Variants in PDE6B observed in about 807,000 individuals in gnomAD.
PDE6B encodes rod cGMP-specific 3',5'-cyclic phosphodiesterase subunit beta.
In PDE6B, 106 loss-of-function variants were observed where a neutral mutation model predicts 109.0. The observed-to-expected ratio is 0.97, with a 90% CI of 0.83 to 1.14. The LOEUF is 1.14. Among genes scored for constraint, PDE6B ranks in the 50% most tolerant of loss-of-function variants. The pLI is 0.00. For synonymous variants in PDE6B, 490 were observed against 471.3 expected (o/e 1.04, Z -0.51); for missense variants, 1,193 against 1,155.6 (o/e 1.03, Z -0.47).
intron 10 of PDE6B, among the ~76,000 whole-genome samples, chr4:658,305 A>C (rs1577286626): frequency 1.1e-5 from 1 of 92,342 alleles, no homozygotes; most frequent in African/African-American, 4.2e-5. Context: ...CAGGGGTCAC[A>C]GGTGTGCGGG....
rs1371959815 is a variant in PDE6B, at chr4:663,644, C to T, written c.1921-126C>T. On this transcript the variant is annotated intron_variant, in intron 15 of 21. Transcript: ENST00000496514. The surrounding 1 kb of genome is among the most constrained non-coding windows in gnomAD (Gnocchi z 4.0). ...TGAGCAGCAGGCGGATTAGGGGTCC[C>T]GCCCACCGAGGGCCCGAGGGCGGGG... 1.4e-6 allele frequency: 1 copy of T among 733,176 alleles called. No individual in the cohort carries two copies. The highest frequency in any genetic ancestry group is 2.5e-6 in the Non-Finnish European group (1 of 403,992). The allele number at this position is 733,176 out of a possible 1,614,324, so 45.4% of individuals were successfully genotyped here.
intron 17 of PDE6B, 24 bp from the exon 18 acceptor site, chr4:664,857 C>G: frequency 1.2e-6 from 2 of 1,605,520 alleles, no homozygotes; most frequent in East Asian, 4.5e-5. Context: ...CCCATCAGCA[C>G]TCGTGCCCGG....
chr4:659,714 G>A (rs28407346), intron 11 of PDE6B, among the ~76,000 whole-genome samples: 24,175 of 151,350 alleles, frequency 0.16, 2,322 homozygotes, highest in African/African-American at 0.27. Flanking sequence ...GTGTGTGCCC[G>A]TGTGTGCACC....
In PDE6B at chr4:663,871, G is replaced by C; in HGVS notation, c.2021+1G>C. On this transcript the variant is annotated splice_donor_variant, in intron 16 of 21. Transcript: ENST00000496514. LOFTEE classifies it high-confidence loss of function. The surrounding 1 kb of genome is among the most constrained non-coding windows in gnomAD (Gnocchi z 4.0). ...CCACGGACCTGGCCCTGTACTTCAA[G>C]TGCGCGCCTTCCGGGAGGGGGCGCC... 1 of 1,602,596 alleles carries C rather than the reference G, an allele frequency of 6.2e-7. No individual in the cohort carries two copies. The highest frequency in any genetic ancestry group is 8.5e-7 in the Non-Finnish European group (1 of 1,173,776).
intron 1 of PDE6B, among the ~76,000 whole-genome samples, chr4:627,067 C>G (rs1302914210): frequency 6.6e-6 from 1 of 152,200 alleles, no homozygotes; most frequent in Non-Finnish European, 1.5e-5. Context: ...AATTACCCAC[C>G]AGGCTGCCAG....
intron 1 of PDE6B, among the ~76,000 whole-genome samples, chr4:634,408 C>T (rs1047344753): frequency 1.3e-5 from 2 of 152,150 alleles, no homozygotes; most frequent in African/African-American, 4.8e-5. Flanking sequence ...CAGGGCGGGG[C>T]CCCCCATGAG....
At chr4:627,155 T>G (rs1560099556) in intron 1 of PDE6B, among the ~76,000 whole-genome samples, 2 of 151,456 alleles carry the variant, frequency 1.3e-5, no homozygotes, top group East Asian at 1.9e-4. Flanking sequence ...TGTGGGTTTT[T>G]TTTTTTTTTG....
intron 21 of PDE6B, 57 bp from the exon 22 acceptor site, chr4:669,989 G>A: frequency 3.5e-6 from 5 of 1,417,392 alleles, no homozygotes; most frequent in Non-Finnish European, 5.0e-6. Flanking sequence ...AGGAGGGAAG[G>A]AATAGGGCTG....
intron 1 of PDE6B, 106 bp from the exon 2 acceptor site, chr4:634,571 A>G (rs925089961): frequency 6.8e-5 from 65 of 961,768 alleles, no homozygotes; most frequent in Non-Finnish European, 1.0e-4. Context: ...GGCACCTCAC[A>G]CCTGGAGGGC....
Position 648,757 on chromosome 4 carries a change from G to C in PDE6B, c.712-5095G>C, listed in dbSNP as rs1290380798. Among the ~76,000 whole-genome samples, 2 of 152,256 alleles carry C rather than the reference G, an allele frequency of 1.3e-5. No homozygotes were observed. The highest frequency in any genetic ancestry group is 2.9e-5 in the Non-Finnish European group (2 of 68,044). The stretch of plus-strand genomic sequence containing the variant: ...TTAGTGGAGCAATTCTCACCGCCCA[G>C]CTGTCTGAGCTGCAGCAAAGCTGCA... On this transcript the variant is annotated intron_variant, in intron 3 of 21. Transcript: ENST00000496514. The surrounding 1 kb of genome is among the most constrained non-coding windows in gnomAD (Gnocchi z 4.5).
intron 21 of PDE6B, among the ~76,000 whole-genome samples, chr4:668,271 C>T (rs1053913173): frequency 6.6e-6 from 1 of 151,920 alleles, no homozygotes; most frequent in African/African-American, 2.4e-5. Context: ...GTAACCATAT[C>T]TTATGTCCTT....
chr4:653,062 T>G (rs1735725377), intron 3 of PDE6B: 1 of 417,502 alleles, frequency 2.4e-6, no homozygotes, highest in Non-Finnish European at 3.2e-6. Flanking sequence ...GAAATAAAGC[T>G]ACGAACATCT....
In PDE6B at chr4:648,922, G is replaced by A. The variant is rs1367318455; in HGVS notation, c.712-4930G>A. Among the ~76,000 whole-genome samples, 1 of 152,236 alleles carries A rather than the reference G, an allele frequency of 6.6e-6. No individual in the cohort carries two copies. Among genetic ancestry groups the A allele is most frequent in the Non-Finnish European group, 1.5e-5 (1 of 68,038 alleles). ...AGGAGCGGGGGAGCCTTCTGTCTCT[G>A]CAGGTCTGACTCCTGCCTCCTGTGA... On this transcript the variant is annotated intron_variant, in intron 3 of 21. Coordinates refer to ENST00000496514, the MANE Select transcript of PDE6B (RefSeq NM_000283.4). The surrounding 1 kb of genome is among the most constrained non-coding windows in gnomAD (Gnocchi z 4.5).
intron 3 of PDE6B, among the ~76,000 whole-genome samples, chr4:646,938 G>A (rs1252305550): frequency 6.6e-6 from 1 of 151,610 alleles, no homozygotes; most frequent in Non-Finnish European, 1.5e-5. Flanking sequence ...GCTCACTGCA[G>A]CCGCCGCTTC....
At chr4:659,652 ATGTGTGCCCACGAGTATGTGTGTGCATG>A (rs1736819958) in intron 11 of PDE6B, among the ~76,000 whole-genome samples, 1 of 149,040 alleles carries the variant, frequency 6.7e-6, no homozygotes, top group African/African-American at 2.5e-5. Flanking sequence ...GTGTGTGCAC[ATGTGTGCCCACGAGTATGTGTGTGCATG>A]TGTGTGCACA....
At chr4:627,461 C>T (rs894242989) in intron 1 of PDE6B, among the ~76,000 whole-genome samples, 8 of 152,138 alleles carry the variant, frequency 5.3e-5, no homozygotes, top group African/African-American at 1.4e-4. Flanking sequence ...TGGCAATCCT[C>T]TTATCCCAAT....
At chr4:632,148 A>G (rs1046563507) in intron 1 of PDE6B, among the ~76,000 whole-genome samples, 1 of 151,228 alleles carries the variant, frequency 6.6e-6, no homozygotes, top group African/African-American at 2.4e-5. Flanking sequence ...TCTTTCCAGA[A>G]TCTCTGGTAT....
chr4:635,799 T>G, intron 2 of PDE6B, 81 bp from the exon 3 acceptor site: 2 of 800,682 alleles, frequency 2.5e-6, no homozygotes, highest in Non-Finnish European at 2.2e-6. Context: ...CAGGCGAGCA[T>G]GTTTCTCCTG....
At chr4:640,259 G>A (rs866275443) in intron 3 of PDE6B, among the ~76,000 whole-genome samples, 3 of 152,188 alleles carry the variant, frequency 2.0e-5, no homozygotes, top group Middle Eastern at 3.4e-3. Flanking sequence ...AGTCCAATTG[G>A]CCAGGCGTGG....
Sources: gnomAD v4.1 joint callset for allele counts (sites outside exome capture counted in the v4.1 genomes callset) on GRCh38, gnomAD v4.1.1 for gene constraint, Gnocchi (gnomAD v3.1) non-coding constraint, MANE v1.5 for transcripts, NCBI Gene and HGNC (gene_info 2026-07-23, HGNC 2026-07-21) for gene names.